FAM171A2: variants seen among roughly 807,000 people sequenced by gnomAD.
FAM171A2 encodes family with sequence similarity 171 member A2, also known as protein FAM171A2.
A neutral mutation model predicts 34.2 loss-of-function variants in FAM171A2; 13 were observed. The ratio of observed to expected loss-of-function variants is 0.38; its 90% confidence interval spans 0.25 to 0.60. FAM171A2 has a LOEUF of 0.60. FAM171A2 is among the 20% of genes least tolerant of loss of function. The probability of loss-of-function intolerance (pLI) is 0.62; values close to 1 mark genes in which losing one functional copy is unlikely to be tolerated. For missense variants in FAM171A2, 950 were observed against 1,180.7 expected (o/e 0.80, Z 2.86); for synonymous variants, 475 against 561.2 (o/e 0.85, Z 2.17).
chr17:44,361,916 C>T (rs1368213430), intron 1 of FAM171A2, among the ~76,000 whole-genome samples: 1 of 152,056 alleles, frequency 6.6e-6, no homozygotes, highest in East Asian at 1.9e-4. Flanking sequence ...CCTGGCTACT[C>T]CCACCTCCAT....
chr17:44,359,670 C>T lies in FAM171A2; in HGVS notation c.348G>A (p.Leu116=). The change falls in exon 3 of 8, where the codon TTG becomes TTA. Residue 116 remains leucine, a splice_region_variant and synonymous_variant. Coordinates refer to ENST00000293443, the MANE Select transcript of FAM171A2 (RefSeq NM_198475.3). The part of the protein sequence containing the change: ...SVPWRVDKLP[L]YASVSLYLLP... ...GCAGGTAGAGGCTGACAGACGCATA[C>T]ACTGCGGGAGGGATGGCCGGTCAGC... 2 of 1,550,494 alleles carry T rather than the reference C, an allele frequency of 1.3e-6. No individual in the cohort carries two copies. Among genetic ancestry groups the T allele is most frequent in the East Asian group, 2.4e-5 (1 of 40,916 alleles).
chr17:44,361,931 G>A (rs1029854458), intron 1 of FAM171A2, among the ~76,000 whole-genome samples: 4 of 152,034 alleles, frequency 2.6e-5, no homozygotes, highest in African/African-American at 9.7e-5. Context: ...CTCCATCCCG[G>A]GCTTAGGAAC....
chr17:44,363,756 T>C lies in FAM171A2; in HGVS notation c.-42A>G. 1.0e-6 allele frequency: 1 copy of C among 989,492 alleles called. No homozygotes were observed. The highest frequency in any genetic ancestry group is 5.1e-5 in the South Asian group (1 of 19,658). 61.3% of individuals were successfully genotyped at this position (989,492 alleles called of 1,614,324 possible). A position where few individuals can be genotyped will look rare whatever the true frequency, so the allele number is the denominator to read the frequency against. On this transcript the variant is annotated 5_prime_UTR_variant, in exon 1 of 8. Transcript: ENST00000293443. Reference sequence around the variant, plus strand: ...GCCCTAGCGGTCCATGGCTCCCGCCTGGTCCCGCTCGCCCGGCCCCGCGCA... The same window carrying C: ...GCCCTAGCGGTCCATGGCTCCCGCCCGGTCCCGCTCGCCCGGCCCCGCGCA...
Position 44,356,364 on chromosome 17 carries a change from G to A in FAM171A2, c.599-12C>T, listed in dbSNP as rs2048423764. The A allele has an allele frequency of 6.5e-7, 1 of 1,544,304 alleles. No individual in the cohort carries two copies. Among genetic ancestry groups the A allele is most frequent in the African/African-American group, 1.4e-5 (1 of 72,926 alleles). ...CCAGGAGCCATTGCCTGAGGGAAGA[G>A]GGTACAGGGCTGAGGGCTGATCCTG... On this transcript the variant is annotated splice_polypyrimidine_tract_variant and intron_variant, in intron 4 of 7. Transcript: ENST00000293443.
Position 44,354,960 on chromosome 17 carries a change from G to C in FAM171A2, c.1254C>G (p.Thr418=). The C allele has an allele frequency of 1.4e-6, 2 of 1,454,008 alleles. No individual in the cohort carries two copies. Among genetic ancestry groups the C allele is most frequent in the Non-Finnish European group, 1.8e-6 (2 of 1,105,232 alleles). 90.1% of individuals were successfully genotyped at this position (1,454,008 alleles called of 1,614,324 possible). A position where few individuals can be genotyped will look rare whatever the true frequency, so the allele number is the denominator to read the frequency against. The change falls in exon 8 of 8, where the codon ACC becomes ACG. Residue 418 remains threonine (T), a synonymous_variant. Transcript: ENST00000293443. This position sits in a 1 kb window ranked among gnomAD's most constrained non-coding sequence, Gnocchi z 5.8. ...CCGGGCGGCTGGCAGAGCGCGGCTT[G>C]GTGCGGAAGAAGTCATCCCGGGAGG... ...LASSRDDFFR[T]KPRSASRPAA... is the part of the protein sequence containing the mutation.
intron 3 of FAM171A2, 136 bp from the exon 4 acceptor site, chr17:44,356,724 G>T: frequency 1.0e-6 from 1 of 960,982 alleles, no homozygotes; most frequent in Non-Finnish European, 1.5e-6. Context: ...TGATGCCTTG[G>T]GGAGAAAGCT....
chr17:44,356,585 G>A lies in FAM171A2; in HGVS notation c.443C>T (p.Ala148Val). The A allele has an allele frequency of 1.3e-6, 2 of 1,540,690 alleles. No individual in the cohort carries two copies. The highest frequency in any genetic ancestry group is 1.8e-6 in the Non-Finnish European group (2 of 1,141,664). The change falls in exon 4 of 8, where the codon GCC becomes GTC. Residue 148 changes from alanine (A) to valine (V), a missense_variant. By Grantham distance (64) the Ala-to-Val change is moderately conservative. This residue lies in a region of FAM171A2 where 752 missense variants were observed against 924.5 expected (regional missense o/e 0.81). Coordinates refer to ENST00000293443, the MANE Select transcript of FAM171A2 (RefSeq NM_198475.3). ...GAACTGCACCAAGGGCTGGGAGCGG[G>A]CACCTGGAGGGAAAGAGGGGCTGCA... ...LVHILLGSPG[A>V]RSQPLVQFQR...
chr17:44,356,516 T>C lies in FAM171A2; in HGVS notation c.512A>G (p.Gln171Arg), dbSNP rs1036837634. The C allele has an allele frequency of 6.4e-7, 1 of 1,550,418 alleles. No individual in the cohort carries two copies. Among genetic ancestry groups the C allele is most frequent in the Admixed American group, 2.0e-5 (1 of 51,008 alleles). ...ARLPVSSTYS[Q>R]LWASLTPAST... ...GGCAGGCGTAAGTGACGCCCAGAGC[T>C]GGCTGTAGGTGGAGCTGACAGGCAG... Residue 171 changes from glutamine to arginine, a missense_variant, in exon 4 of 8, where the codon CAG becomes CGG. Gln to Arg is a conservative substitution (Grantham distance 43). Transcript: ENST00000293443.
At position 44,354,761 on chromosome 17, in the gene FAM171A2, GGTA is replaced by G. The variant is rs2048412748; in HGVS notation, c.1450_1452del (p.Tyr484del). The G allele has an allele frequency of 7.6e-6, 10 of 1,312,234 alleles. No individual in the cohort carries two copies. The highest frequency in any genetic ancestry group is 9.7e-6 in the Non-Finnish European group (10 of 1,030,878). The allele number at this position is 1,312,234 out of a possible 1,614,324, so 81.3% of individuals were successfully genotyped here. A position where few individuals can be genotyped will look rare whatever the true frequency, so the allele number is the denominator to read the frequency against. On this transcript the variant is annotated inframe_deletion, in exon 8 of 8. Transcript: ENST00000293443. This position sits in a 1 kb window ranked among gnomAD's most constrained non-coding sequence, Gnocchi z 5.8. Reference sequence around the variant, plus strand: ...CCCTCGGCCGCCCCCTTGTGGCCCAGGTAGTGGTCGAAGGGCGGCGGCGGCGAG... The same window carrying G: ...CCCTCGGCCGCCCCCTTGTGGCCCAGGTGGTCGAAGGGCGGCGGCGGCGAG...
chr17:44,355,927 G>A lies in FAM171A2; in HGVS notation c.895+31C>T. The A allele has an allele frequency of 6.5e-7, 1 of 1,542,020 alleles. No homozygotes were observed. ...GCTCTCCCAGCTCCCCTCCTCCGCGGCCTCTACGCCCACTGCCCCACTACT... is the reference window on the plus strand; with the variant it reads ...GCTCTCCCAGCTCCCCTCCTCCGCGACCTCTACGCCCACTGCCCCACTACT... On this transcript the variant is annotated intron_variant, in intron 6 of 7. Transcript: ENST00000293443. This position sits in a 1 kb window ranked among gnomAD's most constrained non-coding sequence, Gnocchi z 4.1.
At position 44,353,675 on chromosome 17, in the gene FAM171A2, GCGCGCACC is replaced by G. The variant is rs1359246559; in HGVS notation, c.*50_*57del. ...GCGAGGGCCCCCGCGGGCCCCCGGG[GCGCGCACC>G]CTGGGTGCGGGCCCGCGCGGGAGGG... On this transcript the variant is annotated 3_prime_UTR_variant, in exon 8 of 8. Coordinates refer to ENST00000293443, the MANE Select transcript of FAM171A2 (RefSeq NM_198475.3). 1.2e-5 allele frequency: 14 copies of G among 1,203,752 alleles called. No homozygotes were observed. Among genetic ancestry groups the G allele is most frequent in the Middle Eastern group, 6.7e-4 (2 of 3,002 alleles). The allele number at this position is 1,203,752 out of a possible 1,614,324, so 74.6% of individuals were successfully genotyped here. A position where few individuals can be genotyped will look rare whatever the true frequency, so the allele number is the denominator to read the frequency against.
intron 1 of FAM171A2, among the ~76,000 whole-genome samples, chr17:44,360,521 T>C (rs368145640): frequency 1.4e-4 from 21 of 152,340 alleles, no homozygotes; most frequent in African/African-American, 3.6e-4. Context: ...TAGTCCATTT[T>C]ACAGATAAGG....
intron 1 of FAM171A2, 114 bp downstream of exon 1, chr17:44,363,483 C>T (rs2048456776): frequency 6.8e-6 from 3 of 444,150 alleles, no homozygotes; most frequent in Non-Finnish European, 1.1e-5. Flanking sequence ...CCACCCGAAT[C>T]CAGGGAACAG....
At chr17:44,362,786 C>G (rs113371024) in intron 1 of FAM171A2, among the ~76,000 whole-genome samples, 135 of 151,958 alleles carry the variant, frequency 8.9e-4, no homozygotes, top group African/African-American at 3.2e-3. Context: ...GATATGGGGG[C>G]GGGCAGGGGA....
chr17:44,359,424 G>T, intron 3 of FAM171A2, 155 bp downstream of exon 3: 1 of 634,878 alleles, frequency 1.6e-6, no homozygotes, highest in Non-Finnish European at 2.9e-6. Context: ...GATGATGTAG[G>T]CACTAACCTT....
At position 44,356,412 on chromosome 17, in the gene FAM171A2, G is replaced by C. The variant is rs757118510; in HGVS notation, c.598+18C>G. Reference sequence around the variant, plus strand: ...CTGAGCCTGGGGAGACCCCATCCGTGCTGGGCACCCAGCCTACCTGAGCTG... The same window carrying C: ...CTGAGCCTGGGGAGACCCCATCCGTCCTGGGCACCCAGCCTACCTGAGCTG... On this transcript the variant is annotated intron_variant, in intron 4 of 7. Transcript: ENST00000293443. 9 of 1,549,848 alleles carry C rather than the reference G, an allele frequency of 5.8e-6. No individual in the cohort carries two copies. The South Asian group carries it at 1.1e-4, about 18-fold the overall frequency.
rs186199748 is a variant in FAM171A2, at chr17:44,356,222, G to A, written c.729C>T (p.Ala243=). 1 of 1,551,352 alleles carries A rather than the reference G, an allele frequency of 6.4e-7. No homozygotes were observed. The highest frequency in any genetic ancestry group is 2.0e-5 in the Admixed American group (1 of 51,004). Reference sequence around the variant, plus strand: ...CTGGAATGCTGGTGCCCACGGTGAGGGCACGAGTCTCGGAGGGCACGGGCA... The same window carrying A: ...CTGGAATGCTGGTGCCCACGGTGAGAGCACGAGTCTCGGAGGGCACGGGCA... ...LSLPVPSETR[A]LTVGTSIPAW... The change falls in exon 5 of 8, where the codon GCC becomes GCT. Residue 243 remains alanine, a synonymous_variant. Transcript: ENST00000293443.
Position 44,355,194 on chromosome 17 carries a change from G to A in FAM171A2, c.1023-3C>T. On this transcript the variant is annotated splice_polypyrimidine_tract_variant and splice_region_variant and intron_variant, in intron 7 of 7. Transcript: ENST00000293443. The surrounding 1 kb of genome is among the most constrained non-coding windows in gnomAD (Gnocchi z 4.1). Reference sequence around the variant, plus strand: ...GCCTCGGCTTCAGGCAGCGCCTCCTGGAAGGGAGGGAGCAGAAGGGGCCGC... The same window carrying A: ...GCCTCGGCTTCAGGCAGCGCCTCCTAGAAGGGAGGGAGCAGAAGGGGCCGC... 1 of 1,550,190 alleles carries A rather than the reference G, an allele frequency of 6.5e-7. No homozygotes were observed. The highest frequency in any genetic ancestry group is 2.4e-5 in the East Asian group (1 of 40,902).
At chr17:44,360,241 T>A in intron 1 of FAM171A2, 109 bp from the exon 2 acceptor site, 1 of 921,718 alleles carries the variant, frequency 1.1e-6, no homozygotes, top group Non-Finnish European at 1.6e-6. Context: ...TCTTTTGGGC[T>A]GAGGCTAGAG....
Sources: allele counts gnomAD v4.1 joint callset (sites outside exome capture counted in the v4.1 genomes callset), GRCh38; gene constraint gnomAD v4.1.1; regional missense constraint gnomAD v4.1.1; non-coding constraint Gnocchi (gnomAD v3.1); transcripts MANE v1.5; gene names NCBI Gene and HGNC (gene_info 2026-07-23, HGNC 2026-07-21).